Variants in GPR33 observed in about 807,000 individuals in gnomAD.
GPR33 encodes the protein G protein-coupled receptor 33.
GPR33 carries 4 observed loss-of-function variants against 3.1 expected under a neutral mutation model. The observed-to-expected ratio is 1.29, with a 90% CI of 0.64 to 2.96. The LOEUF is 2.96. GPR33 is among the 30% of genes most tolerant of loss of function. The pLI is 0.01. For synonymous variants in GPR33, 138 were observed against 142.0 expected (o/e 0.97, Z 0.20); for missense variants, 390 against 388.9 (o/e 1.00, Z -0.02).
At chr14:31,485,526 C>T (rs936732833) in intron 1 of GPR33, among the ~76,000 whole-genome samples, 13 of 150,404 alleles carry the variant, frequency 8.6e-5, no homozygotes, top group East Asian at 2.0e-4. Context: ...CCCAGCTACT[C>T]GGGAGGCTGA....
chr14:31,483,827 T>G lies in GPR33; in HGVS notation c.139A>C (p.Asn47His), dbSNP rs1299041016. ...CTTAGCACCCATAGATAGAGGCCAT[T>G]GGTGATGGTACCAATTATAGATGAA... ...YISSIIGTIT[N>H]GLYLWVLRFK... Residue 47 changes from asparagine to histidine, a missense_variant, in exon 2 of 2, where the codon AAT (asparagine) becomes CAT (histidine). By Grantham distance (68) the Asn-to-His change is moderately conservative. Transcript: ENST00000399285. 6.5e-7 allele frequency: 1 copy of G among 1,536,102 alleles called. No homozygotes were observed. Among genetic ancestry groups the G allele is most frequent in the South Asian group, 1.2e-5 (1 of 84,060 alleles).
chr14:31,483,969 G>T lies in GPR33; in HGVS notation c.-4C>A. Reference sequence around the variant, plus strand: ...CAGTAGAGTTGATCAGATCCATAATGACCTGTGGAGTGAGAAACAGTGAAA... The same window carrying T: ...CAGTAGAGTTGATCAGATCCATAATTACCTGTGGAGTGAGAAACAGTGAAA... On this transcript the variant is annotated splice_region_variant and 5_prime_UTR_variant, in exon 2 of 2. Coordinates refer to ENST00000399285, the MANE Select transcript of GPR33 (RefSeq NM_001197184.3). 6.7e-7 allele frequency: 1 copy of T among 1,500,500 alleles called. No individual in the cohort carries two copies. Among genetic ancestry groups the T allele is most frequent in the South Asian group, 1.3e-5 (1 of 78,246 alleles). The allele number at this position is 1,500,500 out of a possible 1,614,324, so 92.9% of individuals were successfully genotyped here.
At chr14:31,485,675 G>A (rs1185149650) in intron 1 of GPR33, among the ~76,000 whole-genome samples, 1 of 151,300 alleles carries the variant, frequency 6.6e-6, no homozygotes, top group Admixed American at 6.6e-5. Flanking sequence ...TCCTTGCAAA[G>A]CCTGTGAAGC....
chr14:31,484,962 G>A (rs1286205817), intron 1 of GPR33, among the ~76,000 whole-genome samples: 2 of 151,074 alleles, frequency 1.3e-5, no homozygotes, highest in Non-Finnish European at 3.0e-5. Flanking sequence ...TTGAGTCAGA[G>A]TCTTGCTTTG....
rs1379981042 is a variant in GPR33, at chr14:31,483,133, T to A, written c.833A>T (p.Glu278Val). The change falls in exon 2 of 2, where the codon GAG becomes GTG. Residue 278 changes from glutamate to valine, a missense_variant. By Grantham distance (121) the Glu-to-Val change is moderately radical. Coordinates refer to ENST00000399285, the MANE Select transcript of GPR33 (RefSeq NM_001197184.3). ...LLTTNQSLLL[E>V]LTLILTVLTT... ...TAGCACTGTAAGTATCAAAGTCAAC[T>A]CTAAAAGTAGTGACTGGTTCGTAGT... 2.6e-6 allele frequency: 4 copies of A among 1,535,932 alleles called. No individual in the cohort carries two copies. In the African/African-American group the frequency reaches 5.5e-5, roughly 21 times the overall value.
At chr14:31,486,612 G>A (rs563378842) in intron 1 of GPR33, among the ~76,000 whole-genome samples, 20 of 152,196 alleles carry the variant, frequency 1.3e-4, no homozygotes, top group African/African-American at 4.8e-4. Flanking sequence ...GAAGGCCCTG[G>A]GACCTTAAGA....
Position 31,483,793 on chromosome 14 carries a change from A to C in GPR33, c.173T>G (p.Met58Arg). The C allele has an allele frequency of 6.5e-7, 1 of 1,536,126 alleles. No homozygotes were observed. The highest frequency in any genetic ancestry group is 1.2e-5 in the South Asian group (1 of 84,062). ...GLYLWVLRFK[M>R]KQTVNTLLFF... The stretch of plus-strand genomic sequence containing the variant: ...TAAGAGAGTATTGACAGTCTGTTTC[A>C]TCTTGAATCTTAGCACCCATAGATA... The change falls in exon 2 of 2, where the codon ATG becomes AGG. Residue 58 changes from methionine (M) to arginine (R), a missense_variant. Met to Arg is a moderately conservative substitution (Grantham distance 91). Transcript: ENST00000399285.
chr14:31,487,462 TGGAG>T (rs2032433154), intron 1 of GPR33, among the ~76,000 whole-genome samples: 1 of 128,036 alleles, frequency 7.8e-6, no homozygotes, highest in Non-Finnish European at 1.6e-5. Context: ...TTTTTTCAGA[TGGAG>T]TCTTGCTCTG....
Position 31,482,939 on chromosome 14 carries a change from A to G in GPR33, c.*25T>C. ...CAAGTGCGTGTTTGCTTAAGAATCT[A>G]GAATTTAAATTTAGGCTTCTGAGTT... On this transcript the variant is annotated 3_prime_UTR_variant, in exon 2 of 2. Coordinates refer to ENST00000399285, the MANE Select transcript of GPR33 (RefSeq NM_001197184.3). 6.8e-7 allele frequency: 1 copy of G among 1,474,262 alleles called. No homozygotes were observed. The highest frequency in any genetic ancestry group is 8.9e-7 in the Non-Finnish European group (1 of 1,121,956). 91.3% of individuals were successfully genotyped at this position (1,474,262 alleles called of 1,614,324 possible). A position where few individuals can be genotyped will look rare whatever the true frequency, so the allele number is the denominator to read the frequency against.
intron 1 of GPR33, 91 bp from the exon 2 acceptor site, chr14:31,484,062 G>A: frequency 2.0e-6 from 2 of 983,600 alleles, no homozygotes; most frequent in Non-Finnish European, 2.9e-6. Context: ...TTTACATAGT[G>A]ATACTTCTAG....
chr14:31,482,879 A>C lies in GPR33; in HGVS notation c.*85T>G, dbSNP rs2032374928. 2.5e-6 allele frequency: 3 copies of C among 1,183,970 alleles called. No homozygotes were observed. Among genetic ancestry groups the C allele is most frequent in the Non-Finnish European group, 2.3e-6 (2 of 870,672 alleles). The allele number at this position is 1,183,970 out of a possible 1,614,324, so 73.3% of individuals were successfully genotyped here. A position where few individuals can be genotyped will look rare whatever the true frequency, so the allele number is the denominator to read the frequency against. On this transcript the variant is annotated 3_prime_UTR_variant, in exon 2 of 2. Transcript: ENST00000399285. Reference sequence around the variant, plus strand: ...CTCTAATATAGGGACTATAGCATACAAAAGCAGAAGGTATATCCTATTGGT... The same window carrying C: ...CTCTAATATAGGGACTATAGCATACCAAAGCAGAAGGTATATCCTATTGGT...
At chr14:31,484,885 G>A (rs1278248046) in intron 1 of GPR33, among the ~76,000 whole-genome samples, 2 of 151,812 alleles carry the variant, frequency 1.3e-5, no homozygotes, top group Non-Finnish European at 2.9e-5. Context: ...GCAAGATTGT[G>A]AAGTACCTTC....
chr14:31,483,895 A>G lies in GPR33; in HGVS notation c.71T>C (p.Leu24Pro). Residue 24 changes from leucine to proline, a missense_variant, in exon 2 of 2, where the codon CTA (leucine) becomes CCA (proline). Transcript: ENST00000399285. ...AATAATCATTTTTGATGCAGGAGCT[A>G]GAAACTGAGTGCTGTTTCTTACTAA... The part of the protein sequence containing the change: ...STLVRNSTQF[L>P]APASKMIIAL... 6.5e-7 allele frequency: 1 copy of G among 1,536,042 alleles called. No individual in the cohort carries two copies. The highest frequency in any genetic ancestry group is 1.2e-5 in the South Asian group (1 of 84,064).
intron 1 of GPR33, among the ~76,000 whole-genome samples, 170 bp downstream of exon 1, chr14:31,487,727 C>T (rs534455159): frequency 2.6e-5 from 4 of 152,246 alleles, no homozygotes; most frequent in East Asian, 1.9e-4. Flanking sequence ...CATGAGCCAC[C>T]GTGCCCAGCC....
At chr14:31,485,409 G>A (rs1175966707) in intron 1 of GPR33, among the ~76,000 whole-genome samples, 1 of 151,586 alleles carries the variant, frequency 6.6e-6, no homozygotes, top group Non-Finnish European at 1.5e-5. Flanking sequence ...GCCGAGGTGG[G>A]CGGATCACAA....
At position 31,483,855 on chromosome 14, in the gene GPR33, G is replaced by T; in HGVS notation, c.111C>A (p.Tyr37Ter). 4.6e-6 allele frequency: 7 copies of T among 1,536,112 alleles called. No individual in the cohort carries two copies. Among genetic ancestry groups the T allele is most frequent in the Non-Finnish European group, 6.1e-6 (7 of 1,146,892 alleles). ...TGATGGTACCAATTATAGATGAAATGTACAAAGAAAGGGCAATAATCATTT... is the reference window on the plus strand; with the variant it reads ...TGATGGTACCAATTATAGATGAAATTTACAAAGAAAGGGCAATAATCATTT... ...ASKMIIALSL[Y>*]ISSIIGTITN... is the part of the protein sequence containing the mutation. Residue 37 changes from tyrosine (Y) to a stop codon, truncating the protein, a stop_gained, in exon 2 of 2, where the codon TAC (tyrosine) becomes TAA (stop). Transcript: ENST00000399285. LOFTEE classifies it low-confidence loss of function (END_TRUNC).
Position 31,487,432 on chromosome 14 carries a change from G to GTTTTTTTTTTTTTTTTTTTTTTTT in GPR33, c.-7+441_-7+464dup, listed in dbSNP as rs752227440. On this transcript the variant is annotated intron_variant, in intron 1 of 1. Coordinates refer to ENST00000399285, the MANE Select transcript of GPR33 (RefSeq NM_001197184.3). ...ACTTTTTCTCCTGCTAAGCCCCTCA[G>GTTTTTTTTTTTTTTTTTTTTTTTT]TTTTTTTTTTTTTTTTTTTTTTTTT... is the stretch of plus-strand genomic sequence containing the variant. Among the ~76,000 whole-genome samples the GTTTTTTTTTTTTTTTTTTTTTTTT allele has an allele frequency of 5.7e-5, 4 of 70,380 alleles. 1 individual carries two copies. Among genetic ancestry groups the GTTTTTTTTTTTTTTTTTTTTTTTT allele is most frequent in the African/African-American group, 1.7e-4 (3 of 17,500 alleles). 46.2% of individuals were successfully genotyped at this position (70,380 alleles called of 152,430 possible).
chr14:31,483,818 A>T lies in GPR33; in HGVS notation c.148T>A (p.Tyr50Asn), dbSNP rs1435468412. 1 of 1,536,156 alleles carries T rather than the reference A, an allele frequency of 6.5e-7. No homozygotes were observed. Among genetic ancestry groups the T allele is most frequent in the East Asian group, 2.4e-5 (1 of 40,928 alleles). ...SIIGTITNGL[Y>N]LWVLRFKMKQ... ...ATCTTGAATCTTAGCACCCATAGATAGAGGCCATTGGTGATGGTACCAATT... is the reference window on the plus strand; with the variant it reads ...ATCTTGAATCTTAGCACCCATAGATTGAGGCCATTGGTGATGGTACCAATT... The change falls in exon 2 of 2, where the codon TAT (tyrosine) becomes AAT (asparagine). Residue 50 changes from tyrosine (Y) to asparagine (N), a missense_variant. By Grantham distance (143) the Tyr-to-Asn change is moderately radical. Coordinates refer to ENST00000399285, the MANE Select transcript of GPR33 (RefSeq NM_001197184.3).
At chr14:31,487,043 G>A (rs2032426245) in intron 1 of GPR33, among the ~76,000 whole-genome samples, 1 of 151,850 alleles carries the variant, frequency 6.6e-6, no homozygotes, top group Admixed American at 6.6e-5. Flanking sequence ...GTATGCGTGT[G>A]GTCTCTTTAT....
Sources: allele counts gnomAD v4.1 joint callset (sites outside exome capture counted in the v4.1 genomes callset), GRCh38; gene constraint gnomAD v4.1.1; transcripts MANE v1.5; gene names NCBI Gene and HGNC (gene_info 2026-07-23, HGNC 2026-07-21).